Variants in USP9X observed in about 807,000 individuals in gnomAD.
USP9X encodes ubiquitin specific peptidase 9 X-linked.
A neutral mutation model predicts 190.3 loss-of-function variants in USP9X; 7 were observed. The observed-to-expected ratio is 0.04, with a 90% CI of 0.02 to 0.07. The LOEUF is 0.07. Among genes scored for constraint, USP9X ranks in the 10% least tolerant of loss-of-function variants. USP9X has a pLI of 1.00. For missense variants in USP9X, 1,010 were observed against 1,916.9 expected, an observed-to-expected ratio of 0.53 and a Z score of 8.83; for synonymous variants, 645 against 659.5, an observed-to-expected ratio of 0.98 and a Z score of 0.34.
intron 21 of USP9X, among the ~76,000 whole-genome samples, chrX:41,179,670 ATC>A (rs1246285623): frequency 8.9e-6 from 1 of 112,070 alleles, no homozygotes; most frequent in East Asian, 2.8e-4. Context: ...CCGTATTTGT[ATC>A]TCTACAGCAA....
chrX:41,221,882 T>C (rs1305288520), intron 38 of USP9X, among the ~76,000 whole-genome samples: 1 of 110,970 alleles, frequency 9.0e-6, no homozygotes, highest in African/African-American at 3.3e-5. Context: ...CAGATAGATA[T>C]ATGGTGCTTT....
intron 14 of USP9X, among the ~76,000 whole-genome samples, chrX:41,156,562 G>C (rs1366089153): frequency 8.9e-6 from 1 of 112,129 alleles, no homozygotes; most frequent in Non-Finnish European, 1.9e-5. Flanking sequence ...AACCTGGCTT[G>C]CTCACAGGGT....
At chrX:41,161,027 C>T (rs1316715004) in intron 14 of USP9X, among the ~76,000 whole-genome samples, 1 of 110,943 alleles carries the variant, frequency 9.0e-6, no homozygotes, top group Non-Finnish European at 1.9e-5. Context: ...ACTAAGTAAC[C>T]TATAGTGCAG....
intron 41 of USP9X, 69 bp downstream of exon 41, chrX:41,225,206 G>A: frequency 9.9e-7 from 1 of 1,014,935 alleles, no homozygotes; most frequent in Non-Finnish European, 1.4e-6. Context: ...GAAATTGACA[G>A]TCACCACATT....
chrX:41,102,206 T>C (rs1329501058), intron 1 of USP9X, among the ~76,000 whole-genome samples: 2 of 112,392 alleles, frequency 1.8e-5, no homozygotes, highest in Non-Finnish European at 3.8e-5. Context: ...GATAATCTCA[T>C]TGATTAAACA....
At chrX:41,125,875 G>A (rs2062246096) in intron 2 of USP9X, among the ~76,000 whole-genome samples, 1 of 110,938 alleles carries the variant, frequency 9.0e-6, no homozygotes, top group Non-Finnish European at 1.9e-5. Context: ...GTATTAAATT[G>A]AATGGCAAAA....
At chrX:41,161,999 T>C (rs778713589) in intron 14 of USP9X, among the ~76,000 whole-genome samples, 1 of 111,360 alleles carries the variant, frequency 9.0e-6, no homozygotes, top group Non-Finnish European at 1.9e-5. Flanking sequence ...TATTCCAATA[T>C]ATGTGGAATT....
At chrX:41,205,587 C>T in intron 32 of USP9X, 94 bp downstream of exon 32, 16 of 710,070 alleles carry the variant, frequency 2.3e-5, no homozygotes, top group Admixed American at 4.0e-5. Context: ...TGGAAGGCAT[C>T]TTTTTTTAAG....
chrX:41,129,947 A>T (rs1008850334), intron 3 of USP9X, among the ~76,000 whole-genome samples: 1 of 111,905 alleles, frequency 8.9e-6, no homozygotes, highest in African/African-American at 3.2e-5. Flanking sequence ...CCTTTGCATT[A>T]AAAAAAGAAA....
At chrX:41,161,755 CTTT>C (rs1230566701) in intron 14 of USP9X, among the ~76,000 whole-genome samples, 1 of 93,205 alleles carries the variant, frequency 1.1e-5, no homozygotes. Flanking sequence ...CATCCTCTCA[CTTT>C]TTTTTTTTTG....
chrX:41,089,102 C>T (rs1312311959), intron 1 of USP9X, among the ~76,000 whole-genome samples: 1 of 112,536 alleles, frequency 8.9e-6, no homozygotes, highest in Non-Finnish European at 1.9e-5. Context: ...TTGAAAACCA[C>T]TGGGCTATTG....
At chrX:41,217,073 TA>T (rs995135912) in intron 35 of USP9X, 146 bp from the exon 36 acceptor site, 40 of 654,690 alleles carry the variant, frequency 6.1e-5, no homozygotes, top group Non-Finnish European at 7.7e-5. Flanking sequence ...AAAAATAAAA[TA>T]AAAAAATAAA....
intron 28 of USP9X, among the ~76,000 whole-genome samples, chrX:41,197,130 G>A (rs1161174689): frequency 8.9e-6 from 1 of 112,118 alleles, no homozygotes; most frequent in East Asian, 2.8e-4. Flanking sequence ...ATTTATTTCT[G>A]AAGAGATTTG....
At chrX:41,087,109 G>A (rs188612505) in intron 1 of USP9X, among the ~76,000 whole-genome samples, 1 of 112,752 alleles carries the variant, frequency 8.9e-6, no homozygotes, top group African/African-American at 3.2e-5. Context: ...ACACGGTGCA[G>A]TTTACAGGTG....
chrX:41,196,868 G>A, intron 28 of USP9X, 130 bp downstream of exon 28: 2 of 526,205 alleles, frequency 3.8e-6, no homozygotes, highest in Non-Finnish European at 5.9e-6. Flanking sequence ...ACCAAAGAAT[G>A]TACTCTGCAT....
At chrX:41,099,111 TTTTTTTTTTTTA>T (rs1162408122) in intron 1 of USP9X, among the ~76,000 whole-genome samples, 2 of 90,971 alleles carry the variant, frequency 2.2e-5, no homozygotes, top group Non-Finnish European at 4.3e-5. Context: ...TTTTTTTTTT[TTTTTTTTTTTTA>T]AACAGAGATG....
In USP9X at chrX:41,123,556, G is replaced by GACTGACAAATGC; in HGVS notation, c.-73_-72insACTGACAAATGC. The GACTGACAAATGC allele has an allele frequency of 1.1e-6, 1 of 880,961 alleles. No homozygotes were observed. The highest frequency in any genetic ancestry group is 3.3e-5 in the East Asian group (1 of 30,377). 72.6% of individuals were successfully genotyped at this position (880,961 alleles called of 1,213,427 possible). A position where few individuals can be genotyped will look rare whatever the true frequency, so the allele number is the denominator to read the frequency against. On this transcript the variant is annotated 5_prime_UTR_variant, in exon 2 of 45. In the 5' UTR this introduces an upstream ATG that the reference lacks. Coordinates refer to ENST00000378308, the MANE Select transcript of USP9X (RefSeq NM_001039591.3). The stretch of plus-strand genomic sequence containing the variant: ...AATGCTGGTACTTCATCTTCTATAA[G>GACTGACAAATGC]TGGACTATAATTTCTTTTCTCAAGA...
intron 29 of USP9X, among the ~76,000 whole-genome samples, 194 bp from the exon 30 acceptor site, chrX:41,198,334 G>A (rs1317807466): frequency 7.9e-5 from 8 of 101,621 alleles, no homozygotes. Context: ...TTTAACCTGC[G>A]AAATTAGGTA....
At chrX:41,213,523 C>T (rs1290468650) in intron 33 of USP9X, among the ~76,000 whole-genome samples, 2 of 111,670 alleles carry the variant, frequency 1.8e-5, no homozygotes, top group Non-Finnish European at 3.8e-5. Flanking sequence ...ATGATATTTT[C>T]AATTTATGAT....
Sources: allele counts gnomAD v4.1 joint callset (sites outside exome capture counted in the v4.1 genomes callset), GRCh38; gene constraint gnomAD v4.1.1; transcripts MANE v1.5; gene names NCBI Gene and HGNC (gene_info 2026-07-23, HGNC 2026-07-21).